The following KCNK13 variants were observed in gnomAD, a reference collection of about 807,000 sequenced individuals.
KCNK13 encodes the protein potassium channel subfamily K member 13.
Under a neutral mutation model 23.4 loss-of-function variants are expected in KCNK13, and 12 were observed. The ratio of observed to expected loss-of-function variants is 0.51; its 90% confidence interval spans 0.33 to 0.83. The LOEUF is 0.83. Ranked by LOEUF, KCNK13 falls within the 40% of genes least tolerant of loss-of-function variation. The pLI, the probability that KCNK13 is intolerant of heterozygous loss-of-function variation, is 0.02. For synonymous variants in KCNK13, 231 were observed against 229.5 expected (o/e 1.01, Z -0.06); for missense variants, 463 against 556.3 (o/e 0.83, Z 1.69).
intron 1 of KCNK13, among the ~76,000 whole-genome samples, chr14:90,071,586 C>T (rs1889074719): frequency 6.6e-6 from 1 of 152,160 alleles, no homozygotes; most frequent in African/African-American, 2.4e-5. Flanking sequence ...GGATTCCCCA[C>T]AGTAAAGGAC....
In KCNK13 at chr14:90,096,709, C is replaced by T. The variant is rs143986458; in HGVS notation, c.334+34170C>T. On this transcript the variant is annotated intron_variant, in intron 1 of 1. Coordinates refer to ENST00000282146, the MANE Select transcript of KCNK13 (RefSeq NM_022054.4). The stretch of plus-strand genomic sequence containing the variant: ...GAGCAGGAAGCAAATTTGAGACTCA[C>T]AACAGTGCTAGGCCAGAAAGTGGAG... Among the ~76,000 whole-genome samples, 270 of 152,322 alleles carry T rather than the reference C, an allele frequency of 1.8e-3. 1 individual carries two copies. The highest frequency in any genetic ancestry group is 6.1e-3 in the African/African-American group (255 of 41,582).
chr14:90,120,647 C>CGGAG (rs1889728407), intron 1 of KCNK13, among the ~76,000 whole-genome samples: 1 of 152,184 alleles, frequency 6.6e-6, no homozygotes, highest in South Asian at 2.1e-4. Context: ...GATTCATTTA[C>CGGAG]CTCCCACTGG....
At position 90,185,013 on chromosome 14, in the gene KCNK13, G is replaced by A. The variant is rs12147332; in HGVS notation, c.*10G>A. 454,464 of 1,560,150 alleles carry A rather than the reference G, an allele frequency of 0.29. 70,485 individuals carry two copies. The highest frequency in any genetic ancestry group is 0.52 in the East Asian group (23,057 of 44,170). On this transcript the variant is annotated 3_prime_UTR_variant, in exon 2 of 2. Coordinates refer to ENST00000282146, the MANE Select transcript of KCNK13 (RefSeq NM_022054.4). ...CAGTGGGGACAGGTAGAAGCCAGGA[G>A]TGGATGCTGGGCAGAGGCCAGAGTA...
chr14:90,110,440 A>G (rs1476066201), intron 1 of KCNK13, among the ~76,000 whole-genome samples: 1 of 151,456 alleles, frequency 6.6e-6, no homozygotes, highest in Non-Finnish European at 1.5e-5. Flanking sequence ...ACATCATGCC[A>G]CAGCACTCCA....
At chr14:90,116,636 A>G (rs7159387) in intron 1 of KCNK13, among the ~76,000 whole-genome samples, 1 of 151,974 alleles carries the variant, frequency 6.6e-6, no homozygotes, top group Non-Finnish European at 1.5e-5. Flanking sequence ...TCATTACAAC[A>G]TAGCAGGCAG....
intron 1 of KCNK13, among the ~76,000 whole-genome samples, chr14:90,142,794 G>A (rs1348822019): frequency 1.6e-4 from 25 of 152,224 alleles, no homozygotes; most frequent in Admixed American, 1.5e-3. Flanking sequence ...TTATTAACAT[G>A]TGCTTATGTA....
chr14:90,076,944 C>T (rs559154275), intron 1 of KCNK13, among the ~76,000 whole-genome samples: 10 of 152,050 alleles, frequency 6.6e-5, no homozygotes, highest in African/African-American at 1.2e-4. Flanking sequence ...CTCAGCCTCC[C>T]GAGTAGCTGG....
At chr14:90,117,555 A>G (rs961882359) in intron 1 of KCNK13, among the ~76,000 whole-genome samples, 2 of 152,002 alleles carry the variant, frequency 1.3e-5, no homozygotes, top group African/African-American at 4.8e-5. Flanking sequence ...GCACCATTGC[A>G]CTCCAGCCTG....
intron 1 of KCNK13, among the ~76,000 whole-genome samples, chr14:90,153,540 C>A (rs1312792954): frequency 1.9e-4 from 29 of 152,178 alleles, no homozygotes; most frequent in Admixed American, 1.9e-3. Flanking sequence ...ATTTATGAGT[C>A]TATTTTCACT....
At chr14:90,105,956 C>A (rs996108149) in intron 1 of KCNK13, among the ~76,000 whole-genome samples, 3 of 152,198 alleles carry the variant, frequency 2.0e-5, no homozygotes, top group African/African-American at 7.2e-5. Flanking sequence ...GAGACTTGGG[C>A]AGGCTGAGCC....
intron 1 of KCNK13, among the ~76,000 whole-genome samples, chr14:90,068,293 G>A (rs1889031818): frequency 6.6e-6 from 1 of 151,976 alleles, no homozygotes; most frequent in South Asian, 2.1e-4. Context: ...GTTTCTTCCA[G>A]GCTAAAAAAG....
intron 1 of KCNK13, among the ~76,000 whole-genome samples, chr14:90,171,477 T>C (rs1324569030): frequency 6.6e-6 from 1 of 152,258 alleles, no homozygotes; most frequent in Non-Finnish European, 1.5e-5. Flanking sequence ...ATGTCTAAGT[T>C]AATTTAGAAA....
chr14:90,137,740 C>T (rs1463558210), intron 1 of KCNK13, among the ~76,000 whole-genome samples: 2 of 152,144 alleles, frequency 1.3e-5, no homozygotes. Context: ...GTAATTGACT[C>T]CCAGCTGTGT....
At chr14:90,133,614 A>C (rs1031646857) in intron 1 of KCNK13, among the ~76,000 whole-genome samples, 1 of 150,456 alleles carries the variant, frequency 6.6e-6, no homozygotes, top group Non-Finnish European at 1.5e-5. Context: ...AAAAAAAAAA[A>C]ACAGTTAAGA....
At chr14:90,067,390 A>G (rs1889021821) in intron 1 of KCNK13, among the ~76,000 whole-genome samples, 2 of 152,206 alleles carry the variant, frequency 1.3e-5, no homozygotes, top group Admixed American at 6.5e-5. Flanking sequence ...TTCCATTTAT[A>G]TGAGGTACTT....
At chr14:90,089,214 A>C (rs1162293392) in intron 1 of KCNK13, among the ~76,000 whole-genome samples, 1 of 152,224 alleles carries the variant, frequency 6.6e-6, no homozygotes, top group Non-Finnish European at 1.5e-5. Context: ...AGACTTGTTG[A>C]ATAGCTTGGA....
intron 1 of KCNK13, among the ~76,000 whole-genome samples, chr14:90,182,175 C>T (rs1271476690): frequency 6.6e-6 from 1 of 152,214 alleles, no homozygotes; most frequent in East Asian, 1.9e-4. Flanking sequence ...CCTCTAGTTT[C>T]CTGACTACAT....
At chr14:90,119,601 G>GTTTA (rs1269229810) in intron 1 of KCNK13, among the ~76,000 whole-genome samples, 1 of 152,038 alleles carries the variant, frequency 6.6e-6, no homozygotes, top group Non-Finnish European at 1.5e-5. Flanking sequence ...GTCATTTTCT[G>GTTTA]TTTATTTATT....
chr14:90,150,030 G>C (rs536023780), intron 1 of KCNK13, among the ~76,000 whole-genome samples: 53 of 152,236 alleles, frequency 3.5e-4, no homozygotes, highest in African/African-American at 1.2e-3. Context: ...GGCTACCAGA[G>C]GGGTGTGTAC....
Sources: gnomAD v4.1 joint callset for allele counts (sites outside exome capture counted in the v4.1 genomes callset) on GRCh38, gnomAD v4.1.1 for gene constraint, MANE v1.5 for transcripts, NCBI Gene and HGNC (gene_info 2026-07-23, HGNC 2026-07-21) for gene names.